MRPL1: variants seen among roughly 807,000 people sequenced by gnomAD.
MRPL1 encodes large ribosomal subunit protein uL1m.
In MRPL1, 28 loss-of-function variants were observed where a neutral mutation model predicts 38.0. The ratio of observed to expected loss-of-function variants is 0.74; its 90% CI spans 0.55 to 1.01. MRPL1 has a LOEUF of 1.01. Ranked by LOEUF, MRPL1 falls within the 50% of genes least tolerant of loss-of-function variation. MRPL1 has a pLI of 0.00. For missense variants in MRPL1, 358 were observed against 389.8 expected, an observed-to-expected ratio of 0.92 and a Z score of 0.69; for synonymous variants, 123 against 126.7, an observed-to-expected ratio of 0.97 and a Z score of 0.20.
At chr4:77,881,883 G>T (rs1735550413) in intron 2 of MRPL1, among the ~76,000 whole-genome samples, 1 of 152,036 alleles carries the variant, frequency 6.6e-6, no homozygotes, top group Non-Finnish European at 1.5e-5. Context: ...CTTCCTTCAG[G>T]TCTCTCTCTT....
intron 6 of MRPL1, among the ~76,000 whole-genome samples, chr4:77,906,144 A>AG (rs966911278): frequency 9.9e-5 from 15 of 152,170 alleles, no homozygotes; most frequent in Non-Finnish European, 1.9e-4. Flanking sequence ...CAGCTAAGTG[A>AG]GGGTGGGTGG....
At chr4:77,945,693 T>C (rs1209722263) in intron 7 of MRPL1, among the ~76,000 whole-genome samples, 2 of 152,002 alleles carry the variant, frequency 1.3e-5, no homozygotes, top group African/African-American at 4.8e-5. Context: ...GGGGGTGATA[T>C]CACATATCGC....
At chr4:77,934,092 T>C (rs973776026) in intron 7 of MRPL1, among the ~76,000 whole-genome samples, 1 of 152,240 alleles carries the variant, frequency 6.6e-6, no homozygotes, top group Non-Finnish European at 1.5e-5. Context: ...CACAGCAACT[T>C]AGAATCTCAA....
At chr4:77,885,186 G>GT in intron 3 of MRPL1, 70 bp from the exon 4 acceptor site, 1 of 1,162,792 alleles carries the variant, frequency 8.6e-7, no homozygotes, top group Non-Finnish European at 1.3e-6. Flanking sequence ...GTCCGTTCTT[G>GT]TTTTATATAG....
intron 7 of MRPL1, among the ~76,000 whole-genome samples, chr4:77,946,224 A>G (rs532171980): frequency 6.6e-6 from 1 of 152,296 alleles, no homozygotes; most frequent in South Asian, 2.1e-4. Context: ...TTGCACGTCC[A>G]TTTATAGGCT....
rs183337220 is a variant in MRPL1 at position 77,918,645 on chromosome 4, C to G, written c.777+9273C>G. 7.9e-5 allele frequency among the ~76,000 whole-genome samples: 12 copies of G among 152,052 alleles called. No homozygotes were observed. In the East Asian group the frequency reaches 2.1e-3, roughly 27 times the overall value. ...AGGTGGGTGATCATGTGATCATATA[C>G]CTGGCTAAACTTTATTAAAAGAAGA... On this transcript the variant is annotated intron_variant, in intron 7 of 8. Coordinates refer to ENST00000315567, the MANE Select transcript of MRPL1 (RefSeq NM_020236.4).
chr4:77,934,626 T>C (rs547025184), intron 7 of MRPL1, among the ~76,000 whole-genome samples: 3 of 152,272 alleles, frequency 2.0e-5, no homozygotes, highest in East Asian at 1.9e-4. Flanking sequence ...AAAAACAATA[T>C]GGCAATTCTC....
chr4:77,952,492 C>T lies in MRPL1; in HGVS notation c.863C>T (p.Pro288Leu), dbSNP rs1336256010. The T allele has an allele frequency of 6.2e-7, 1 of 1,608,714 alleles. No homozygotes were observed. The highest frequency in any genetic ancestry group is 1.7e-5 in the Admixed American group (1 of 59,572). ...VCRHRPLNLG[P>L]FVVRAFLRSS... is the part of the protein sequence containing the mutation. Reference sequence around the variant, plus strand: ...TGATTCTCGTTTTTGTTTCCAGGTCCCTTTGTGGTACGTGCTTTCCTTCGT... The same window carrying T: ...TGATTCTCGTTTTTGTTTCCAGGTCTCTTTGTGGTACGTGCTTTCCTTCGT... The change falls in exon 9 of 9, where the codon CCC becomes CTC. Residue 288 changes from proline to leucine, a missense_variant. By Grantham distance (98) the Pro-to-Leu change is moderately conservative. Transcript: ENST00000315567.
In MRPL1 at chr4:77,952,671, C is replaced by T; in HGVS notation, c.*64C>T. 4 of 1,002,382 alleles carry T rather than the reference C, an allele frequency of 4.0e-6. No homozygotes were observed. Among genetic ancestry groups the T allele is most frequent in the Non-Finnish European group, 4.5e-6 (3 of 660,724 alleles). 62.1% of individuals were successfully genotyped at this position (1,002,382 alleles called of 1,614,324 possible). On this transcript the variant is annotated 3_prime_UTR_variant, in exon 9 of 9. Coordinates refer to ENST00000315567, the MANE Select transcript of MRPL1 (RefSeq NM_020236.4). ...AGCAATGGAGAAAATGATAATACAG[C>T]ATAATTTTTACATTTGATGTCTTGT... is the stretch of plus-strand genomic sequence containing the variant.
At chr4:77,945,003 GT>G (rs1252709030) in intron 7 of MRPL1, among the ~76,000 whole-genome samples, 2 of 152,010 alleles carry the variant, frequency 1.3e-5, no homozygotes, top group African/African-American at 2.4e-5. Context: ...CAGTTTATAA[GT>G]GTAAATAAAG....
intron 2 of MRPL1, among the ~76,000 whole-genome samples, chr4:77,879,668 C>G (rs1252679116): frequency 6.6e-6 from 1 of 152,176 alleles, no homozygotes; most frequent in Non-Finnish European, 1.5e-5. Flanking sequence ...ATTCCTAAAA[C>G]AGGCTCTCCA....
Position 77,862,882 on chromosome 4 carries a change from A to G in MRPL1, c.31+3A>G, listed in dbSNP as rs1560456309. 1.2e-6 allele frequency: 2 copies of G among 1,614,110 alleles called. No homozygotes were observed. Among genetic ancestry groups the G allele is most frequent in the East Asian group, 4.5e-5 (2 of 44,880 alleles). ...GGCCGTAAGGTGCATGGGTAGAGGTAAGGCGAGGGGTTGTCTTGCAGGGGA... is the reference window on the plus strand; with the variant it reads ...GGCCGTAAGGTGCATGGGTAGAGGTGAGGCGAGGGGTTGTCTTGCAGGGGA... On this transcript the variant is annotated splice_donor_region_variant and intron_variant, in intron 1 of 8. Coordinates refer to ENST00000315567, the MANE Select transcript of MRPL1 (RefSeq NM_020236.4).
At chr4:77,932,598 A>G (rs186329028) in intron 7 of MRPL1, among the ~76,000 whole-genome samples, 100 of 152,238 alleles carry the variant, frequency 6.6e-4, no homozygotes, top group African/African-American at 2.1e-3. Flanking sequence ...AAACGAGATT[A>G]CAGAGTAGAT....
intron 7 of MRPL1, among the ~76,000 whole-genome samples, chr4:77,946,870 G>A (rs1737282226): frequency 6.6e-6 from 1 of 152,054 alleles, no homozygotes; most frequent in Non-Finnish European, 1.5e-5. Context: ...GAAGACCCTG[G>A]TATTGTAGAC....
intron 7 of MRPL1, among the ~76,000 whole-genome samples, chr4:77,936,154 TTCTG>T (rs1337777413): frequency 6.8e-6 from 1 of 147,818 alleles, no homozygotes; most frequent in Non-Finnish European, 1.5e-5. Flanking sequence ...TTACTGCTCT[TTCTG>T]TATGGACGTA....
At chr4:77,923,617 A>C (rs1413211596) in intron 7 of MRPL1, among the ~76,000 whole-genome samples, 1 of 152,022 alleles carries the variant, frequency 6.6e-6, no homozygotes, top group Non-Finnish European at 1.5e-5. Context: ...TGACTCAATC[A>C]AACTTATGTG....
chr4:77,886,951 T>G (rs1159030405), intron 4 of MRPL1, among the ~76,000 whole-genome samples: 2 of 151,812 alleles, frequency 1.3e-5, no homozygotes, highest in Admixed American at 6.6e-5. Context: ...TGCCACCACG[T>G]CCGGCCAATT....
chr4:77,938,124 T>G (rs756579494), intron 7 of MRPL1, among the ~76,000 whole-genome samples: 3 of 152,240 alleles, frequency 2.0e-5, no homozygotes, highest in Non-Finnish European at 2.9e-5. Context: ...AATCCAGCTC[T>G]CCACCTGTTT....
chr4:77,896,616 A>G (rs1233962442), intron 6 of MRPL1, among the ~76,000 whole-genome samples: 1 of 152,198 alleles, frequency 6.6e-6, no homozygotes, highest in Non-Finnish European at 1.5e-5. Flanking sequence ...ATATCCAACA[A>G]AAGTCTTTAG....
Sources: allele counts gnomAD v4.1 joint callset (sites outside exome capture counted in the v4.1 genomes callset), GRCh38; gene constraint gnomAD v4.1.1; transcripts MANE v1.5; gene names NCBI Gene and HGNC (gene_info 2026-07-23, HGNC 2026-07-21).